SPINT1: variants seen among roughly 807,000 people sequenced by gnomAD.
The protein encoded by SPINT1 is kunitz-type protease inhibitor 1.
SPINT1 carries 38 observed loss-of-function variants against 53.7 expected under a neutral mutation model. The ratio of observed to expected loss-of-function variants is 0.71; its 90% CI spans 0.55 to 0.93. The LOEUF (loss-of-function observed/expected upper bound fraction) is 0.93. Ranked by LOEUF, SPINT1 falls within the 40% of genes least tolerant of loss-of-function variation. The probability of loss-of-function intolerance (pLI) is 0.00; values close to 1 mark genes in which losing one functional copy is unlikely to be tolerated. For synonymous variants in SPINT1, 283 were observed against 280.6 expected (o/e 1.01, Z -0.08); for missense variants, 645 against 692.9 (o/e 0.93, Z 0.78).
Position 40,844,209 on chromosome 15 carries a change from A to C in SPINT1, c.-66+23A>C, listed in dbSNP as rs1891191651. ...CAGGTAACCCGGGCCCCCGCGCGCA[A>C]GGCCGAGGCGCAGGCGGAGCGGGCT... On this transcript the variant is annotated intron_variant, in intron 1 of 10. Coordinates refer to ENST00000562057, the MANE Select transcript of SPINT1 (RefSeq NM_003710.4). This position sits in a 1 kb window ranked among gnomAD's most constrained non-coding sequence, Gnocchi z 5.8. The C allele has an allele frequency of 2.5e-6, 1 of 398,036 alleles. No homozygotes were observed. 24.7% of individuals were successfully genotyped at this position (398,036 alleles called of 1,614,324 possible).
intron 6 of SPINT1, 138 bp downstream of exon 6, chr15:40,854,224 C>A: frequency 1.5e-6 from 2 of 1,360,860 alleles, no homozygotes; most frequent in Non-Finnish European, 2.0e-6. Context: ...ACATCCCACC[C>A]CTTCCAGCCC....
intron 6 of SPINT1, 151 bp downstream of exon 6, chr15:40,854,237 C>A: frequency 7.3e-7 from 1 of 1,363,994 alleles, no homozygotes; most frequent in Non-Finnish European, 9.9e-7. Context: ...TCCAGCCCAG[C>A]ATCGTCCTAT....
In SPINT1 at chr15:40,850,880, G is replaced by A. The variant is rs528770079; in HGVS notation, c.476-2244G>A. On this transcript the variant is annotated intron_variant, in intron 2 of 10. Coordinates refer to ENST00000562057, the MANE Select transcript of SPINT1 (RefSeq NM_003710.4). ...GGAGTGCTCCTGCTGCCCAAGCCCT[G>A]GGCCCCTCCCTTTGAACTCCTGGAC... 1.8e-4 allele frequency among the ~76,000 whole-genome samples: 27 copies of A among 152,258 alleles called. 1 individual carries two copies. In the South Asian group the frequency reaches 5.6e-3, roughly 32 times the overall value.
rs780438454 is a variant in SPINT1, at chr15:40,853,918, CT to C, written c.913+40del. 81 of 1,614,120 alleles carry C rather than the reference CT, an allele frequency of 5.0e-5. No individual in the cohort carries two copies. In the Admixed American group the frequency reaches 1.3e-3, roughly 27 times the overall value. On this transcript the variant is annotated intron_variant, in intron 5 of 10. Coordinates refer to ENST00000562057, the MANE Select transcript of SPINT1 (RefSeq NM_003710.4). Reference sequence around the variant, plus strand: ...AGAGGCAGCTCTGGGGCTCAGGCGACTTTCCCCCAGGGTGAGTGGTCTCTCT... The same window carrying C: ...AGAGGCAGCTCTGGGGCTCAGGCGACTTCCCCCAGGGTGAGTGGTCTCTCT...
Position 40,854,103 on chromosome 15 carries a change from TCCCCATC to T in SPINT1, c.940+28_940+34del, listed in dbSNP as rs748571457. On this transcript the variant is annotated intron_variant, in intron 6 of 10. Coordinates refer to ENST00000562057, the MANE Select transcript of SPINT1 (RefSeq NM_003710.4). ...GCCATCCAGGTGGGCTTTACTCCCCTCCCCATCCCCCATCCCCACCACATCTCTAGCC... is the reference window on the plus strand; with the variant it reads ...GCCATCCAGGTGGGCTTTACTCCCCTCCCCATCCCCACCACATCTCTAGCC... 2.7e-5 allele frequency: 41 copies of T among 1,529,712 alleles called. No homozygotes were observed. Among genetic ancestry groups the T allele is most frequent in the African/African-American group, 5.6e-5 (4 of 71,476 alleles). 94.8% of individuals were successfully genotyped at this position (1,529,712 alleles called of 1,614,324 possible).
chr15:40,852,627 CTG>C (rs3033553), intron 2 of SPINT1, among the ~76,000 whole-genome samples: 2,764 of 142,642 alleles, frequency 0.019, 39 homozygotes, highest in Non-Finnish European at 0.024. Context: ...AAGTAAGTGT[CTG>C]TGTGTGTGTG....
intron 10 of SPINT1, 40 bp downstream of exon 10, chr15:40,856,363 G>T: frequency 6.2e-7 from 1 of 1,612,742 alleles, no homozygotes; most frequent in Admixed American, 1.7e-5. Flanking sequence ...TTAGCATGTA[G>T]GTATCAACTC....
chr15:40,847,062 A>G (rs545143969), intron 2 of SPINT1, among the ~76,000 whole-genome samples: 39 of 152,260 alleles, frequency 2.6e-4, no homozygotes, highest in Admixed American at 2.1e-3. Context: ...TAGCTGGACT[A>G]TGGCCCCATG....
Position 40,857,056 on chromosome 15 carries a change from C to T in SPINT1, c.*81C>T. ...CCTGGGCTGGGAAAAACTTTGGAAC[C>T]AGACTCTTGCCTGTTTCCCAGGCCC... On this transcript the variant is annotated 3_prime_UTR_variant, in exon 11 of 11. Coordinates refer to ENST00000562057, the MANE Select transcript of SPINT1 (RefSeq NM_003710.4). 6.5e-7 allele frequency: 1 copy of T among 1,546,718 alleles called. No homozygotes were observed. The highest frequency in any genetic ancestry group is 1.4e-5 in the African/African-American group (1 of 73,482).
chr15:40,854,808 C>G lies in SPINT1; in HGVS notation c.1117+119C>G, dbSNP rs547640281. 1.0e-5 allele frequency: 13 copies of G among 1,283,346 alleles called. No individual in the cohort carries two copies. In the African/African-American group the frequency reaches 1.9e-4, roughly 19 times the overall value. The allele number at this position is 1,283,346 out of a possible 1,614,324, so 79.5% of individuals were successfully genotyped here. A position where few individuals can be genotyped will look rare whatever the true frequency, so the allele number is the denominator to read the frequency against. Reference sequence around the variant, plus strand: ...TGTACGGGCCTGTGGGCACAAAGAGCCAGGGTGGGCTCCCCGTTCTCCAGA... The same window carrying G: ...TGTACGGGCCTGTGGGCACAAAGAGGCAGGGTGGGCTCCCCGTTCTCCAGA... On this transcript the variant is annotated intron_variant, in intron 8 of 10. Coordinates refer to ENST00000562057, the MANE Select transcript of SPINT1 (RefSeq NM_003710.4).
rs1891705891 is a variant in SPINT1 at position 40,857,933 on chromosome 15, G to T, written c.*958G>T. On this transcript the variant is annotated 3_prime_UTR_variant, in exon 11 of 11. Transcript: ENST00000562057. ...GTGAGCCTCTCCACAAGCCTGTTGAGTGGTTGAGCTCTCCACAATTCTGCT... is the reference window on the plus strand; with the variant it reads ...GTGAGCCTCTCCACAAGCCTGTTGATTGGTTGAGCTCTCCACAATTCTGCT... 6.6e-6 allele frequency: 1 copy of T among 152,250 alleles called. No homozygotes were observed. The highest frequency in any genetic ancestry group is 2.4e-5 in the African/African-American group (1 of 41,450). The allele number at this position is 152,250 out of a possible 1,614,324, so 9.4% of individuals were successfully genotyped here.
rs775650053 is a variant in SPINT1 at position 40,854,079 on chromosome 15, C to T, written c.933C>T (p.Arg311=). The T allele has an allele frequency of 1.9e-6, 3 of 1,545,908 alleles. No homozygotes were observed. Among genetic ancestry groups the T allele is most frequent in the Non-Finnish European group, 2.6e-6 (3 of 1,148,430 alleles). ...TCCCAGGCCCCTCCATGGAAAGGCGCCATCCAGGTGGGCTTTACTCCCCTC... is the reference window on the plus strand; with the variant it reads ...TCCCAGGCCCCTCCATGGAAAGGCGTCATCCAGGTGGGCTTTACTCCCCTC... ...RGVQGPSMER[R]HPVCSGTCQP... The change falls in exon 6 of 11, where the codon CGC becomes CGT. Residue 311 remains arginine, a synonymous_variant. Coordinates refer to ENST00000562057, the MANE Select transcript of SPINT1 (RefSeq NM_003710.4).
intron 2 of SPINT1, among the ~76,000 whole-genome samples, chr15:40,852,059 A>C (rs1394036371): frequency 6.6e-6 from 1 of 152,200 alleles, no homozygotes; most frequent in African/African-American, 2.4e-5. Flanking sequence ...TTATTCTTGC[A>C]GAGTTCTGGA....
At chr15:40,854,244 C>G in intron 6 of SPINT1, 153 bp from the exon 7 acceptor site, 5 of 1,369,246 alleles carry the variant, frequency 3.7e-6, no homozygotes, top group South Asian at 1.4e-5. Context: ...CAGCATCGTC[C>G]TATGAGGATC....
At chr15:40,845,903 G>C (rs1258885230) in intron 2 of SPINT1, among the ~76,000 whole-genome samples, 1 of 152,190 alleles carries the variant, frequency 6.6e-6, no homozygotes, top group African/African-American at 2.4e-5. Context: ...GGAATGCATT[G>C]GCCTTTTGGT....
At chr15:40,845,146 T>G in intron 2 of SPINT1, 117 bp downstream of exon 2, 1 of 846,374 alleles carries the variant, frequency 1.2e-6, no homozygotes, top group Non-Finnish European at 1.7e-6. Flanking sequence ...TTTTTTTTTC[T>G]TTTTCTTTCT....
chr15:40,844,772 C>G lies in SPINT1; in HGVS notation c.218C>G (p.Ala73Gly), dbSNP rs1273343620. Reference sequence around the variant, plus strand: ...ACCAACGCCTCGGTCAGCAACGGAGCTACCTTCCTGGAGTCCCCCACCGTG... The same window carrying G: ...ACCAACGCCTCGGTCAGCAACGGAGGTACCTTCCTGGAGTCCCCCACCGTG... ...LDTNASVSNG[A>G]TFLESPTVRR... Residue 73 changes from alanine to glycine, a missense_variant, in exon 2 of 11, where the codon GCT becomes GGT. Transcript: ENST00000562057. This position sits in a 1 kb window ranked among gnomAD's most constrained non-coding sequence, Gnocchi z 5.8. The G allele has an allele frequency of 6.2e-7, 1 of 1,612,312 alleles. No individual in the cohort carries two copies. The highest frequency in any genetic ancestry group is 8.5e-7 in the Non-Finnish European group (1 of 1,179,186).
chr15:40,848,666 T>C (rs969244240), intron 2 of SPINT1, among the ~76,000 whole-genome samples: 3 of 152,224 alleles, frequency 2.0e-5, no homozygotes, highest in Non-Finnish European at 4.4e-5. Context: ...TAAATTGTGG[T>C]GCATTTATAC....
rs1377725431 is a variant in SPINT1, at chr15:40,844,373, A to C, written c.-65-117A>C. ...GGGCCGGGCCCGTGCGCCCTCTTCG[A>C]TCCTGGGGTGCTCCGGTCCCTCCTC... On this transcript the variant is annotated intron_variant, in intron 1 of 10. Transcript: ENST00000562057. The surrounding 1 kb of genome is among the most constrained non-coding windows in gnomAD (Gnocchi z 5.8). 2 of 718,864 alleles carry C rather than the reference A, an allele frequency of 2.8e-6. No homozygotes were observed. The highest frequency in any genetic ancestry group is 4.0e-5 in the Admixed American group (2 of 49,428). The allele number at this position is 718,864 out of a possible 1,614,324, so 44.5% of individuals were successfully genotyped here. A position where few individuals can be genotyped will look rare whatever the true frequency, so the allele number is the denominator to read the frequency against.
Sources: allele counts gnomAD v4.1 joint callset (sites outside exome capture counted in the v4.1 genomes callset), GRCh38; gene constraint gnomAD v4.1.1; non-coding constraint Gnocchi (gnomAD v3.1); transcripts MANE v1.5; gene names NCBI Gene and HGNC (gene_info 2026-07-23, HGNC 2026-07-21).